The following ASIC2 variants were observed in gnomAD, a reference collection of about 807,000 sequenced individuals.
The protein encoded by ASIC2 is acid-sensing ion channel 2.
In ASIC2, 25 loss-of-function variants were observed where a neutral mutation model predicts 57.3. The ratio of observed to expected loss-of-function variants is 0.44; its 90% CI spans 0.32 to 0.61. The LOEUF (loss-of-function observed/expected upper bound fraction) is 0.61, where lower values mean the gene tolerates loss of function less well. Ranked by LOEUF, ASIC2 falls within the 20% of genes least tolerant of loss-of-function variation. The pLI is 0.06. For missense variants in ASIC2, 641 were observed against 738.1 expected (o/e 0.87, Z 1.52); for synonymous variants, 319 against 307.5 (o/e 1.04, Z -0.39).
chr17:33,869,971 G>T (rs1465764721), intron 1 of ASIC2, among the ~76,000 whole-genome samples: 4 of 152,176 alleles, frequency 2.6e-5, no homozygotes, highest in African/African-American at 4.8e-5. Context: ...TGGCCCAATG[G>T]CTGTAGTTTG....
intron 1 of ASIC2, among the ~76,000 whole-genome samples, chr17:33,360,468 C>G (rs1485778876): frequency 6.6e-6 from 1 of 152,174 alleles, no homozygotes; most frequent in African/African-American, 2.4e-5. Context: ...TGAATGGGCT[C>G]CAGCTTCTCT....
At chr17:34,025,510 A>C (rs1280358949) in intron 1 of ASIC2, among the ~76,000 whole-genome samples, 1 of 152,224 alleles carries the variant, frequency 6.6e-6, no homozygotes, top group African/African-American at 2.4e-5. Flanking sequence ...AGTCCCACCT[A>C]GCACCTCAGA....
rs983544883 is a variant in ASIC2, at chr17:33,411,423, T to C, written c.556-299356A>G. 3.3e-5 allele frequency among the ~76,000 whole-genome samples: 5 copies of C among 152,328 alleles called. No homozygotes were observed. The East Asian group carries it at 9.6e-4, about 29-fold the overall frequency. ...TTTCCAGAACTGGACTGTCATTATG[T>C]CAATCTGATGTTAATTTAAATGGTA... On this transcript the variant is annotated intron_variant, in intron 1 of 9. Transcript: ENST00000359872.
chr17:33,866,719 TG>T (rs1722583766), intron 1 of ASIC2, among the ~76,000 whole-genome samples: 1 of 152,200 alleles, frequency 6.6e-6, no homozygotes, highest in Admixed American at 6.5e-5. Context: ...GATCTCTATA[TG>T]TCAGGCAACC....
At chr17:33,112,191 G>A (rs759123215) in intron 1 of ASIC2, 124 bp from the exon 2 acceptor site, 26 of 1,211,532 alleles carry the variant, frequency 2.1e-5, no homozygotes, top group African/African-American at 1.4e-4. Flanking sequence ...CACCATCACC[G>A]CTCTCAGGAA....
chr17:33,388,855 C>G (rs556340176), intron 1 of ASIC2, among the ~76,000 whole-genome samples: 1 of 152,366 alleles, frequency 6.6e-6, no homozygotes, highest in South Asian at 2.1e-4. Context: ...ACCCAGCAAT[C>G]CAGGCTGCTT....
At chr17:33,752,530 C>A (rs2701491) in intron 1 of ASIC2, among the ~76,000 whole-genome samples, 60,171 of 152,010 alleles carry the variant, frequency 0.4, 12,691 homozygotes, top group Non-Finnish European at 0.49. Context: ...ACATAAGCAA[C>A]CCAATTAAAA....
intron 1 of ASIC2, among the ~76,000 whole-genome samples, chr17:33,825,465 G>A (rs575566017): frequency 3.5e-4 from 54 of 152,224 alleles, no homozygotes; most frequent in African/African-American, 1.2e-3. Context: ...CCTAACTGAG[G>A]CCCCTTTACA....
chr17:33,972,947 T>A (rs576560235), intron 1 of ASIC2, among the ~76,000 whole-genome samples: 2 of 152,202 alleles, frequency 1.3e-5, no homozygotes, highest in Non-Finnish European at 2.9e-5. Flanking sequence ...AATCAGAGAC[T>A]GAGACTGAAA....
At chr17:33,836,136 T>TG (rs1293273483) in intron 1 of ASIC2, among the ~76,000 whole-genome samples, 1 of 146,676 alleles carries the variant, frequency 6.8e-6, no homozygotes, top group South Asian at 2.2e-4. Flanking sequence ...TTTTTTTTTT[T>TG]GGAGACAGTC....
chr17:33,028,355 G>A lies in ASIC2; in HGVS notation c.1025C>T (p.Ser342Phe). 6.2e-7 allele frequency: 1 copy of A among 1,614,170 alleles called. No homozygotes were observed. The highest frequency in any genetic ancestry group is 8.5e-7 in the Non-Finnish European group (1 of 1,180,026). The change falls in exon 4 of 10, where the codon TCC becomes TTC. Residue 342 changes from serine (S) to phenylalanine (F), a missense_variant. Transcript: ENST00000225823. ...AAAAAAGTCGAGGCCCATCTCTGAG[G>A]ATCGGCACTCACCCCACGGTGGGGG... ...YLPPPWGECR[S>F]SEMGLDFFPV...
chr17:33,038,754 C>G (rs1444145987), intron 3 of ASIC2, among the ~76,000 whole-genome samples: 1 of 152,246 alleles, frequency 6.6e-6, no homozygotes, highest in Non-Finnish European at 1.5e-5. Flanking sequence ...TAGAGAGAAG[C>G]TGATGTTTGC....
intron 1 of ASIC2, among the ~76,000 whole-genome samples, chr17:33,331,993 G>A (rs1201240080): frequency 2.6e-5 from 4 of 152,216 alleles, no homozygotes; most frequent in Admixed American, 6.5e-5. Flanking sequence ...GGCCCCTGGG[G>A]CATACATCAT....
At chr17:33,198,836 T>C (rs1423555869) in intron 1 of ASIC2, among the ~76,000 whole-genome samples, 1 of 152,224 alleles carries the variant, frequency 6.6e-6, no homozygotes, top group Admixed American at 6.5e-5. Context: ...ATACACAATC[T>C]TCTTCTTGGT....
At chr17:33,590,414 C>T (rs1324055741) in intron 1 of ASIC2, among the ~76,000 whole-genome samples, 1 of 152,106 alleles carries the variant, frequency 6.6e-6, no homozygotes, top group African/African-American at 2.4e-5. Context: ...GGGGAGTCAT[C>T]CCAGCCCCCT....
At chr17:33,735,835 C>G (rs1342626608) in intron 1 of ASIC2, among the ~76,000 whole-genome samples, 2 of 152,150 alleles carry the variant, frequency 1.3e-5, no homozygotes, top group African/African-American at 4.8e-5. Flanking sequence ...TCAAGAGCCA[C>G]AGTCAACAAG....
At chr17:33,651,521 A>G (rs1313544364) in intron 1 of ASIC2, among the ~76,000 whole-genome samples, 1 of 152,202 alleles carries the variant, frequency 6.6e-6, no homozygotes, top group East Asian at 1.9e-4. Context: ...AAATTCAGTC[A>G]ATTAGGACTC....
At chr17:33,896,984 G>T (rs978775501) in intron 1 of ASIC2, among the ~76,000 whole-genome samples, 1 of 152,120 alleles carries the variant, frequency 6.6e-6, no homozygotes, top group Non-Finnish European at 1.5e-5. Flanking sequence ...GAAGCTAGTT[G>T]GTCCTATTGA....
At chr17:33,846,999 A>C (rs915677643) in intron 1 of ASIC2, among the ~76,000 whole-genome samples, 1 of 152,074 alleles carries the variant, frequency 6.6e-6, no homozygotes, top group African/African-American at 2.4e-5. Context: ...TCAGGCTCTC[A>C]GCAAGTTCTT....
Sources: gnomAD v4.1 joint callset for allele counts (sites outside exome capture counted in the v4.1 genomes callset) on GRCh38, gnomAD v4.1.1 for gene constraint, MANE v1.5 for transcripts, NCBI Gene and HGNC (gene_info 2026-07-23, HGNC 2026-07-21) for gene names.